The following DHX58 variants were observed in gnomAD, a reference collection of about 807,000 sequenced individuals.
DHX58 encodes the protein ATP-dependent RNA helicase DHX58.
In DHX58, 51 loss-of-function variants were observed where a neutral mutation model predicts 65.0. The observed-to-expected ratio is 0.78, with a 90% CI of 0.63 to 0.99. The LOEUF (loss-of-function observed/expected upper bound fraction) is 0.99, where lower values mean the gene tolerates loss of function less well. Among genes scored for constraint, DHX58 ranks in the 50% least tolerant of loss-of-function variants. DHX58 has a pLI of 0.00. For synonymous variants in DHX58, 350 were observed against 365.0 expected (o/e 0.96, Z 0.47); for missense variants, 773 against 891.8 (o/e 0.87, Z 1.70).
At position 42,105,952 on chromosome 17, in the gene DHX58, G is replaced by A; in HGVS notation, c.1035C>T (p.Gly345=). 2 of 1,613,662 alleles carry A rather than the reference G, an allele frequency of 1.2e-6. No individual in the cohort carries two copies. The highest frequency in any genetic ancestry group is 1.7e-6 in the Non-Finnish European group (2 of 1,179,946). ...GCATCTCCAGTTTTGGATTCTCTGGGCCATGAGTTGCCAAGTGGGCCAGCT... is the reference window on the plus strand; with the variant it reads ...GCATCTCCAGTTTTGGATTCTCTGGACCATGAGTTGCCAAGTGGGCCAGCT... ...KNELAHLATH[G]PENPKLEMLE... is the part of the protein sequence containing the mutation. The change falls in exon 9 of 14, where the codon GGC becomes GGT. Residue 345 remains glycine (G), a synonymous_variant. Transcript: ENST00000251642.
intron 5 of DHX58, among the ~76,000 whole-genome samples, chr17:42,110,259 G>A (rs900908567): frequency 4.6e-5 from 7 of 152,074 alleles, no homozygotes; most frequent in Non-Finnish European, 1.0e-4. Context: ...GGATAGCACT[G>A]GATGATATGA....
chr17:42,102,091 C>T, intron 13 of DHX58, 125 bp downstream of exon 13: 1 of 1,429,370 alleles, frequency 7.0e-7, no homozygotes, highest in Non-Finnish European at 9.6e-7. Context: ...AGGGGCTGGA[C>T]CTCCCTCTTC....
In DHX58 at chr17:42,111,473, C is replaced by T. The variant is rs562522290; in HGVS notation, c.193G>A (p.Glu65Lys). Reference protein sequence around the residue: ...NRVHLVTQHGEEFRRMLDGRW... With the variant: ...NRVHLVTQHGKEFRRMLDGRW... ...CCATCCAGCATGCGCCTGAACTCTT[C>T]ACCATGCTGGGTCACCAGGTGCACC... The change falls in exon 4 of 14, where the codon GAA (glutamate) becomes AAA (lysine). Residue 65 changes from glutamate to lysine, a missense_variant. Transcript: ENST00000251642. 3 of 1,614,116 alleles carry T rather than the reference C, an allele frequency of 1.9e-6. No homozygotes were observed. The highest frequency in any genetic ancestry group is 2.2e-5 in the South Asian group (2 of 91,088).
chr17:42,106,527 T>C (rs1168548804), intron 8 of DHX58, among the ~76,000 whole-genome samples: 1 of 151,860 alleles, frequency 6.6e-6, no homozygotes, highest in Non-Finnish European at 1.5e-5. Flanking sequence ...GCCGGGTGCA[T>C]TGGCTCACGC....
Position 42,109,274 on chromosome 17 carries a change from C to G in DHX58, c.674G>C (p.Ser225Thr). The G allele has an allele frequency of 6.2e-7, 1 of 1,610,710 alleles. No homozygotes were observed. Among genetic ancestry groups the G allele is most frequent in the South Asian group, 1.1e-5 (1 of 90,106 alleles). Residue 225 changes from serine (S) to threonine (T), a missense_variant, in exon 6 of 14, where the codon AGC becomes ACC. Transcript: ENST00000251642. ...CKQYNLCHRR[S>T]QDPFGDLLKK... ...CGTGTCCCTGCCCCCGCGTACCTGGCTGCGCCTGTGGCAGAGGTTGTACTG... is the reference window on the plus strand; with the variant it reads ...CGTGTCCCTGCCCCCGCGTACCTGGGTGCGCCTGTGGCAGAGGTTGTACTG...
chr17:42,107,751 G>GGT lies in DHX58; in HGVS notation c.848_849dup (p.Leu284ThrfsTer2). On this transcript the variant is annotated frameshift_variant, in exon 8 of 14. Coordinates refer to ENST00000251642, the MANE Select transcript of DHX58 (RefSeq NM_024119.3). LOFTEE classifies it high-confidence loss of function. ...AGCAGCGCGTCATTGTAGCGCCTCA[G>GGT]GTGAAGCGCATACACCCGTTGCTCC... 1 of 1,600,098 alleles carries GGT rather than the reference G, an allele frequency of 6.2e-7. No individual in the cohort carries two copies. The highest frequency in any genetic ancestry group is 1.1e-5 in the South Asian group (1 of 89,052).
Position 42,108,075 on chromosome 17 carries a change from C to A in DHX58, c.712G>T (p.Asp238Tyr), listed in dbSNP as rs782349280. 10 of 1,614,252 alleles carry A rather than the reference C, an allele frequency of 6.2e-6. No individual in the cohort carries two copies. In the South Asian group the frequency reaches 7.7e-5, roughly 12 times the overall value. The change falls in exon 7 of 14, where the codon GAC becomes TAC. Residue 238 changes from aspartate (D) to tyrosine (Y), a missense_variant. By Grantham distance (160) the Asp-to-Tyr change is radical. Transcript: ENST00000251642. ...ATCTCCAGGTGGTCATGGATTTGGT[C>A]CATGAGCTTCTTCAGCAAGTCCCCA... ...PFGDLLKKLM[D>Y]QIHDHLEMPE...
intron 5 of DHX58, among the ~76,000 whole-genome samples, chr17:42,109,855 A>G (rs1273261329): frequency 6.7e-6 from 1 of 150,140 alleles, no homozygotes; most frequent in Non-Finnish European, 1.5e-5. Flanking sequence ...AGATCGTGCC[A>G]CTGCACTCCA....
Position 42,104,911 on chromosome 17 carries a change from C to T in DHX58, c.1418G>A (p.Arg473Gln), listed in dbSNP as rs551428365. ...ISMVQARGRA[R>Q]ADQSVYAFVA... is the part of the protein sequence containing the mutation. ...AAACGCGTATACACTCTGATCGGCC[C>T]GGGCACGGCCCCTGGCCTGGGAAGA... is the stretch of plus-strand genomic sequence containing the variant. Residue 473 changes from arginine to glutamine, a missense_variant, in exon 11 of 14, where the codon CGG becomes CAG. Transcript: ENST00000251642. 3.3e-5 allele frequency: 53 copies of T among 1,614,082 alleles called. No individual in the cohort carries two copies. Among genetic ancestry groups the T allele is most frequent in the Non-Finnish European group, 4.2e-5 (49 of 1,180,028 alleles).
Position 42,105,754 on chromosome 17 carries a change from C to T in DHX58, c.1233G>A (p.Gln411=), listed in dbSNP as rs782736052. The T allele has an allele frequency of 6.3e-7, 1 of 1,586,636 alleles. No individual in the cohort carries two copies. The highest frequency in any genetic ancestry group is 2.3e-5 in the East Asian group (1 of 44,436). ...CCCACACCTGGGTCATGTGGGTGCT[C>T]TGGCTGCTGTTCCCAGCCCCAATCA... ...QLLIGAGNSS[Q]STHMTQRDQQ... is the part of the protein sequence containing the mutation. Residue 411 remains glutamine, a synonymous_variant, in exon 9 of 14, where the codon CAG becomes CAA. Coordinates refer to ENST00000251642, the MANE Select transcript of DHX58 (RefSeq NM_024119.3).
In DHX58 at chr17:42,109,305, A is replaced by C. The variant is rs782255668; in HGVS notation, c.643T>G (p.Cys215Gly). The change falls in exon 6 of 14, where the codon TGC (cysteine) becomes GGC (glycine). Residue 215 changes from cysteine to glycine, a missense_variant. Cys to Gly is a radical substitution (Grantham distance 159). Coordinates refer to ENST00000251642, the MANE Select transcript of DHX58 (RefSeq NM_024119.3). ...CTGTGGCAGAGGTTGTACTGTTTGCAAGGCTGTTGGCTGTGCTCCTGCAGC... is the reference window on the plus strand; with the variant it reads ...CTGTGGCAGAGGTTGTACTGTTTGCCAGGCTGTTGGCTGTGCTCCTGCAGC... ...PQLQEHSQQP[C>G]KQYNLCHRRS... 6.2e-7 allele frequency: 1 copy of C among 1,613,550 alleles called. No individual in the cohort carries two copies.
intron 6 of DHX58, 26 bp downstream of exon 6, chr17:42,109,244 C>A: frequency 6.3e-7 from 1 of 1,595,482 alleles, no homozygotes; most frequent in Non-Finnish European, 8.6e-7. Flanking sequence ...GGCTCCCGCT[C>A]TCGCCGTGTC....
chr17:42,103,391 A>T, intron 12 of DHX58: 2 of 588,468 alleles, frequency 3.4e-6, no homozygotes, highest in Non-Finnish European at 5.9e-6. Context: ...TCAACCAGAT[A>T]GTGGCTGTGG....
chr17:42,106,970 G>A (rs936109146), intron 8 of DHX58, among the ~76,000 whole-genome samples: 6 of 152,078 alleles, frequency 3.9e-5, no homozygotes, highest in Admixed American at 2.6e-4. Context: ...CAGATCTCTT[G>A]AGCCCCAGCC....
rs2053977993 is a variant in DHX58, at chr17:42,101,571, A to G, written c.*190T>C. 1 of 642,324 alleles carries G rather than the reference A, an allele frequency of 1.6e-6. No individual in the cohort carries two copies. Among genetic ancestry groups the G allele is most frequent in the African/African-American group, 1.8e-5 (1 of 54,756 alleles). The allele number at this position is 642,324 out of a possible 1,614,324, so 39.8% of individuals were successfully genotyped here. A position where few individuals can be genotyped will look rare whatever the true frequency, so the allele number is the denominator to read the frequency against. ...GAAAATGTCTATGTGCGTACAAGGT[A>G]GGTCTGGACTAAGCTCTGGCCCTCC... On this transcript the variant is annotated 3_prime_UTR_variant, in exon 14 of 14. Coordinates refer to ENST00000251642, the MANE Select transcript of DHX58 (RefSeq NM_024119.3).
intron 13 of DHX58, 84 bp from the exon 14 acceptor site, chr17:42,102,030 A>C: frequency 1.3e-6 from 2 of 1,498,574 alleles, no homozygotes; most frequent in African/African-American, 2.8e-5. Flanking sequence ...CCCTGAATAC[A>C]GGGCCTTTTC....
chr17:42,109,942 C>G (rs1825959001), intron 5 of DHX58, among the ~76,000 whole-genome samples: 2 of 150,046 alleles, frequency 1.3e-5, no homozygotes, highest in Non-Finnish European at 2.9e-5. Flanking sequence ...AATCCCAGCA[C>G]TATGGGAGGC....
intron 2 of DHX58, 77 bp from the exon 3 acceptor site, chr17:42,111,970 A>T: frequency 6.6e-7 from 1 of 1,511,396 alleles, no homozygotes; most frequent in South Asian, 1.3e-5. Flanking sequence ...CAGTACAGAG[A>T]CCTCCCTTTG....
At position 42,110,859 on chromosome 17, in the gene DHX58, T is replaced by C; in HGVS notation, c.425A>G (p.Tyr142Cys). The C allele has an allele frequency of 6.2e-7, 1 of 1,613,980 alleles. No homozygotes were observed. Among genetic ancestry groups the C allele is most frequent in the Admixed American group, 1.7e-5 (1 of 60,004 alleles). Residue 142 changes from tyrosine to cysteine, a missense_variant, in exon 5 of 14, where the codon TAC (tyrosine) becomes TGC (cysteine). Transcript: ENST00000251642. ...TAGGTACTGGCTCATGATGACGTTGTAGACGGTGTCCTTGTGCGTGTGGTG... is the reference window on the plus strand; with the variant it reads ...TAGGTACTGGCTCATGATGACGTTGCAGACGGTGTCCTTGTGCGTGTGGTG... ...ECHHTHKDTV[Y>C]NVIMSQYLEL...
Sources: allele counts gnomAD v4.1 joint callset (sites outside exome capture counted in the v4.1 genomes callset), GRCh38; gene constraint gnomAD v4.1.1; transcripts MANE v1.5; gene names NCBI Gene and HGNC (gene_info 2026-07-23, HGNC 2026-07-21).